SBF2: variants seen among roughly 807,000 people sequenced by gnomAD.
SBF2 encodes myotubularin-related protein 13.
SBF2 carries 112 observed loss-of-function variants against 225.2 expected under a neutral mutation model. The ratio of observed to expected loss-of-function variants is 0.50; its 90% CI spans 0.43 to 0.58. The LOEUF is 0.58. Among genes scored for constraint, SBF2 ranks in the 20% least tolerant of loss-of-function variants. SBF2 has a pLI of 0.00. For missense variants in SBF2, 1,996 were observed against 2,206.2 expected, an observed-to-expected ratio of 0.90 and a Z score of 1.91; for synonymous variants, 763 against 773.3, an observed-to-expected ratio of 0.99 and a Z score of 0.22.
chr11:10,055,932 TA>T (rs1950242304), intron 2 of SBF2, among the ~76,000 whole-genome samples: 1 of 151,364 alleles, frequency 6.6e-6, no homozygotes, highest in Non-Finnish European at 1.5e-5. Context: ...GTTATTGAAA[TA>T]AAAAAATTTA....
intron 1 of SBF2, among the ~76,000 whole-genome samples, chr11:10,228,905 C>G (rs985860907): frequency 2.6e-5 from 4 of 151,690 alleles, no homozygotes; most frequent in African/African-American, 4.8e-5. Context: ...CCAGCTCCTC[C>G]TTGTACCTCT....
At position 9,911,041 on chromosome 11, in the gene SBF2, C is replaced by T. The variant is rs1271688142; in HGVS notation, c.1861-15030G>A. On this transcript the variant is annotated intron_variant, in intron 16 of 39. Coordinates refer to ENST00000256190, the MANE Select transcript of SBF2 (RefSeq NM_030962.4). ...CCCACTGCACTCCAGCCTGGTGACACAGCAAGACTCCATCTCAAAAAAACA... is the reference window on the plus strand; with the variant it reads ...CCCACTGCACTCCAGCCTGGTGACATAGCAAGACTCCATCTCAAAAAAACA... Among the ~76,000 whole-genome samples, 5 of 148,366 alleles carry T rather than the reference C, an allele frequency of 3.4e-5. No homozygotes were observed. In the East Asian group the frequency reaches 8.0e-4, roughly 24 times the overall value.
intron 1 of SBF2, among the ~76,000 whole-genome samples, chr11:10,224,158 G>C (rs746086671): frequency 3.3e-5 from 5 of 151,778 alleles, no homozygotes; most frequent in Non-Finnish European, 7.4e-5. Flanking sequence ...ATATTTCTAG[G>C]CTATGCAGTT....
upstream of SBF2, among the ~76,000 whole-genome samples, chr11:10,296,036 C>G (rs1347517648): frequency 6.6e-6 from 1 of 152,182 alleles, no homozygotes; most frequent in Non-Finnish European, 1.5e-5. Flanking sequence ...ATTAAGCAGT[C>G]ATTCTCATTC....
intron 1 of SBF2, among the ~76,000 whole-genome samples, chr11:10,210,261 T>G (rs536437930): frequency 1.3e-5 from 2 of 151,764 alleles, no homozygotes; most frequent in East Asian, 3.9e-4. Context: ...TGAGCCAAGA[T>G]TGCTCCACTG....
At chr11:10,129,102 T>TC in intron 2 of SBF2, among the ~76,000 whole-genome samples, 2 of 39,690 alleles carry the variant, frequency 5.0e-5, no homozygotes, top group South Asian at 1.6e-3. Flanking sequence ...TTTTCTCTCT[T>TC]TTTTTTTTTT....
At chr11:9,947,226 T>C (rs994711651) in intron 16 of SBF2, among the ~76,000 whole-genome samples, 2 of 152,208 alleles carry the variant, frequency 1.3e-5, no homozygotes, top group Non-Finnish European at 2.9e-5. Flanking sequence ...ACAATGGGGT[T>C]AGTCCATTGT....
intron 20 of SBF2, among the ~76,000 whole-genome samples, chr11:9,853,233 G>A (rs956917281): frequency 2.6e-5 from 4 of 152,150 alleles, no homozygotes; most frequent in Non-Finnish European, 5.9e-5. Flanking sequence ...TACATTAGAA[G>A]TTACCAGGGG....
chr11:9,923,345 G>A (rs1220335387), intron 16 of SBF2, among the ~76,000 whole-genome samples: 2 of 151,908 alleles, frequency 1.3e-5, no homozygotes, highest in East Asian at 3.9e-4. Flanking sequence ...AAACAGACAA[G>A]GCGTGCTGAG....
chr11:9,834,597 T>C lies in SBF2; in HGVS notation c.3456-2177A>G, dbSNP rs147504218. 2.6e-3 allele frequency among the ~76,000 whole-genome samples: 401 copies of C among 152,302 alleles called. 1 individual carries two copies. The highest frequency in any genetic ancestry group is 8.8e-3 in the African/African-American group (364 of 41,562). ...CTTAACCAATGATAACTTGGAAGCA[T>C]TCTGAAAGCCTAGGGCTTTGGTGAT... is the stretch of plus-strand genomic sequence containing the variant. On this transcript the variant is annotated intron_variant, in intron 26 of 39. Coordinates refer to ENST00000256190, the MANE Select transcript of SBF2 (RefSeq NM_030962.4).
chr11:10,050,272 C>T (rs1356046047), intron 2 of SBF2, among the ~76,000 whole-genome samples: 1 of 152,096 alleles, frequency 6.6e-6, no homozygotes, highest in Non-Finnish European at 1.5e-5. Flanking sequence ...ATTGAAGTTA[C>T]CTAACAGAAA....
chr11:10,033,666 AC>A (rs1949340551), intron 3 of SBF2, among the ~76,000 whole-genome samples: 1 of 13,586 alleles, frequency 7.4e-5, no homozygotes, highest in African/African-American at 2.1e-4. Context: ...GTGATTAAAC[AC>A]ACACACACAC....
intron 16 of SBF2, among the ~76,000 whole-genome samples, chr11:9,923,251 A>C (rs1048550773): frequency 2.0e-5 from 3 of 152,112 alleles, no homozygotes; most frequent in African/African-American, 2.4e-5. Context: ...CTCCCTTGTT[A>C]ATTGGACTCT....
chr11:9,920,455 C>A (rs4909915), intron 16 of SBF2, among the ~76,000 whole-genome samples: 30,043 of 151,944 alleles, frequency 0.2, 3,815 homozygotes, highest in Non-Finnish European at 0.29. Flanking sequence ...GAAGTATATA[C>A]TATTAATTAC....
At chr11:9,986,007 T>C (rs550060145) in intron 13 of SBF2, among the ~76,000 whole-genome samples, 7 of 152,220 alleles carry the variant, frequency 4.6e-5, no homozygotes, top group African/African-American at 1.7e-4. Flanking sequence ...CATGGAACTT[T>C]CTCCAAGATA....
intron 1 of SBF2, among the ~76,000 whole-genome samples, chr11:10,219,509 G>A (rs988500195): frequency 6.6e-6 from 1 of 152,194 alleles, no homozygotes; most frequent in Non-Finnish European, 1.5e-5. Context: ...CATTGTCTTG[G>A]TGATTAACAT....
intron 2 of SBF2, among the ~76,000 whole-genome samples, chr11:10,065,967 A>G (rs912211055): frequency 1.1e-4 from 16 of 152,100 alleles, no homozygotes; most frequent in African/African-American, 3.9e-4. Context: ...ACAAACAAAC[A>G]AACAAAAAAC....
intron 16 of SBF2, among the ~76,000 whole-genome samples, chr11:9,948,873 C>A: frequency 6.6e-6 from 1 of 152,164 alleles, no homozygotes; most frequent in East Asian, 1.9e-4. Context: ...AACTTGGCTA[C>A]CATTACCCTC....
At chr11:10,263,013 T>C (rs1456924687) in intron 1 of SBF2, among the ~76,000 whole-genome samples, 4 of 152,122 alleles carry the variant, frequency 2.6e-5, no homozygotes, top group Non-Finnish European at 4.4e-5. Context: ...ATTTTATCAG[T>C]GTTCAATACA....
Sources: gnomAD v4.1 joint callset for allele counts (sites outside exome capture counted in the v4.1 genomes callset) on GRCh38, gnomAD v4.1.1 for gene constraint, MANE v1.5 for transcripts, NCBI Gene and HGNC (gene_info 2026-07-23, HGNC 2026-07-21) for gene names.